The following ADAMTS17 variants were observed in gnomAD, a reference collection of about 807,000 sequenced individuals.
ADAMTS17 encodes the protein ADAM metallopeptidase with thrombospondin type 1 motif 17, also known as A disintegrin and metalloproteinase with thrombospondin motifs 17.
Under a neutral mutation model 141.5 loss-of-function variants are expected in ADAMTS17, and 113 were observed. The observed-to-expected ratio is 0.80, with a 90% CI of 0.69 to 0.93. The LOEUF is 0.93. ADAMTS17 is among the 40% of genes least tolerant of loss of function. The pLI is 0.00. For missense variants in ADAMTS17, 1,659 were observed against 1,517.9 expected (o/e 1.09, Z -1.54); for synonymous variants, 768 against 630.6 (o/e 1.22, Z -3.27).
intron 7 of ADAMTS17, among the ~76,000 whole-genome samples, chr15:100,239,008 T>A (rs1162320561): frequency 6.6e-6 from 1 of 152,210 alleles, no homozygotes; most frequent in African/African-American, 2.4e-5. Context: ...GGAGAATCAC[T>A]TGAACCAGGA....
chr15:100,073,306 C>T (rs191772553), intron 15 of ADAMTS17, among the ~76,000 whole-genome samples: 2 of 152,226 alleles, frequency 1.3e-5, no homozygotes, highest in Non-Finnish European at 2.9e-5. Context: ...CACTTTTACA[C>T]TGCTGGTAGG....
At chr15:99,982,417 G>A (rs542124310) in intron 20 of ADAMTS17, among the ~76,000 whole-genome samples, 6 of 152,228 alleles carry the variant, frequency 3.9e-5, no homozygotes, top group Non-Finnish European at 7.4e-5. Flanking sequence ...AGGCTGTTTT[G>A]GCCCTGAAGA....
At chr15:100,221,576 C>T (rs2042135623) in intron 7 of ADAMTS17, among the ~76,000 whole-genome samples, 1 of 152,198 alleles carries the variant, frequency 6.6e-6, no homozygotes, top group Non-Finnish European at 1.5e-5. Context: ...CCTTTAATTA[C>T]AATACATGAG....
At chr15:100,120,324 C>G (rs1463066699) in intron 12 of ADAMTS17, among the ~76,000 whole-genome samples, 3 of 152,150 alleles carry the variant, frequency 2.0e-5, no homozygotes, top group African/African-American at 7.2e-5. Context: ...AGTTACTGCC[C>G]ATCCTTCACC....
chr15:100,292,096 C>T lies in ADAMTS17; in HGVS notation c.617-10695G>A, dbSNP rs572240432. 7.3e-4 allele frequency among the ~76,000 whole-genome samples: 108 copies of T among 148,908 alleles called. 3 individuals are homozygous for T. The highest frequency in any genetic ancestry group is 2.4e-3 in the African/African-American group (94 of 39,958). On this transcript the variant is annotated intron_variant, in intron 3 of 21. Coordinates refer to ENST00000268070, the MANE Select transcript of ADAMTS17 (RefSeq NM_139057.4). Reference sequence around the variant, plus strand: ...TCAGCCCGTGGGGAGTCATGAGAGACGCTCAGCCCGTGGGGAGTCACGAGA... The same window carrying T: ...TCAGCCCGTGGGGAGTCATGAGAGATGCTCAGCCCGTGGGGAGTCACGAGA...
At position 100,341,907 on chromosome 15, in the gene ADAMTS17, G is replaced by A. The variant is rs1362783987; in HGVS notation, c.-8C>T. 5 of 1,546,028 alleles carry A rather than the reference G, an allele frequency of 3.2e-6. No individual in the cohort carries two copies. The African/African-American group carries it at 4.2e-5, about 13-fold the overall frequency. ...CAGGGCGCCGTCACACATGGTACCC[G>A]GGACCGGCAGCCCCCCCGGACCGTG... On this transcript the variant is annotated 5_prime_UTR_variant, in exon 1 of 22. Transcript: ENST00000268070.
At chr15:100,139,614 G>A (rs1052808636) in intron 10 of ADAMTS17, among the ~76,000 whole-genome samples, 1 of 152,204 alleles carries the variant, frequency 6.6e-6, no homozygotes, top group Non-Finnish European at 1.5e-5. Flanking sequence ...ATCCTGCCAG[G>A]TAACAGCTTA....
Position 100,135,072 on chromosome 15 carries a change from G to A in ADAMTS17, c.1474-1757C>T, listed in dbSNP as rs184485351. Among the ~76,000 whole-genome samples, 83 of 152,288 alleles carry A rather than the reference G, an allele frequency of 5.5e-4. 1 individual carries two copies. The highest frequency in any genetic ancestry group is 1.9e-3 in the African/African-American group (77 of 41,556). ...GAATTTATGGGACAGGAGCGGTTGGGATTAGGAGAAATGACCACTCCATCA... is the reference window on the plus strand; with the variant it reads ...GAATTTATGGGACAGGAGCGGTTGGAATTAGGAGAAATGACCACTCCATCA... On this transcript the variant is annotated intron_variant, in intron 10 of 21. Transcript: ENST00000268070.
Position 100,178,010 on chromosome 15 carries a change from T to C in ADAMTS17, c.1181+21308A>G, listed in dbSNP as rs143029541. Among the ~76,000 whole-genome samples, 551 of 152,268 alleles carry C rather than the reference T, an allele frequency of 3.6e-3. 3 individuals carry two copies. The highest frequency in any genetic ancestry group is 0.012 in the African/African-American group (501 of 41,550). ...TTTTTTCCCACAATGAATGTTTTCA[T>C]GATGTATTTTTTCAATTTTTAAAAT... On this transcript the variant is annotated intron_variant, in intron 8 of 21. Transcript: ENST00000268070.
intron 3 of ADAMTS17, among the ~76,000 whole-genome samples, chr15:100,320,522 G>A (rs1317122464): frequency 2.0e-5 from 3 of 152,156 alleles, no homozygotes; most frequent in Non-Finnish European, 2.9e-5. Flanking sequence ...TCCACATTTG[G>A]ATAAATCGTC....
intron 3 of ADAMTS17, among the ~76,000 whole-genome samples, chr15:100,317,989 G>C (rs1021503331): frequency 1.3e-5 from 2 of 152,094 alleles, no homozygotes; most frequent in South Asian, 4.1e-4. Flanking sequence ...GTAGCGACCC[G>C]AATGCCAGAG....
intron 8 of ADAMTS17, among the ~76,000 whole-genome samples, chr15:100,196,377 G>C (rs1272178099): frequency 1.3e-5 from 2 of 152,248 alleles, no homozygotes; most frequent in African/African-American, 4.8e-5. Context: ...AAAATCATGT[G>C]AATCTGTGCA....
At chr15:100,091,010 C>CAAAAAAAAAAAAAAAAAA (rs556800178) in intron 15 of ADAMTS17, among the ~76,000 whole-genome samples, 29 of 54,582 alleles carry the variant, frequency 5.3e-4, no homozygotes, top group Middle Eastern at 0.013. Flanking sequence ...TCCGTCTCAA[C>CAAAAAAAAAAAAAAAAAA]AAAAAAAAAA....
intron 13 of ADAMTS17, among the ~76,000 whole-genome samples, chr15:100,115,103 A>G (rs2037030249): frequency 6.6e-6 from 1 of 152,286 alleles, no homozygotes; most frequent in African/African-American, 2.4e-5. Context: ...GTCTAAAAGT[A>G]TCTTTATCTG....
intron 18 of ADAMTS17, among the ~76,000 whole-genome samples, chr15:100,042,124 C>T (rs1451152543): frequency 6.6e-6 from 1 of 152,196 alleles, no homozygotes; most frequent in Non-Finnish European, 1.5e-5. Flanking sequence ...TCCACCTTAC[C>T]CTGTTGCCCA....
intron 7 of ADAMTS17, among the ~76,000 whole-genome samples, chr15:100,218,152 C>A (rs772001952): frequency 6.6e-6 from 1 of 152,148 alleles, no homozygotes; most frequent in Non-Finnish European, 1.5e-5. Context: ...GGACTGCAGG[C>A]GTGAGCCACT....
chr15:100,240,477 G>A (rs542547822), intron 7 of ADAMTS17, among the ~76,000 whole-genome samples: 5 of 152,206 alleles, frequency 3.3e-5, no homozygotes, highest in Non-Finnish European at 5.9e-5. Context: ...CTCTGCCAAA[G>A]AGCAAGACAT....
chr15:100,234,239 C>T (rs1413363217), intron 7 of ADAMTS17, among the ~76,000 whole-genome samples: 1 of 152,276 alleles, frequency 6.6e-6, no homozygotes, highest in East Asian at 1.9e-4. Flanking sequence ...AAAGACAGTA[C>T]AACAGCCAGT....
At chr15:100,135,276 A>C in intron 10 of ADAMTS17, among the ~76,000 whole-genome samples, 1 of 149,946 alleles carries the variant, frequency 6.7e-6, no homozygotes, top group Middle Eastern at 3.5e-3. Context: ...CACCATATTA[A>C]AATTAACAAC....
Sources: allele counts gnomAD v4.1 joint callset (sites outside exome capture counted in the v4.1 genomes callset), GRCh38; gene constraint gnomAD v4.1.1; transcripts MANE v1.5; gene names NCBI Gene and HGNC (gene_info 2026-07-23, HGNC 2026-07-21).